The following PRELID2 variants were observed in gnomAD, a reference collection of about 807,000 sequenced individuals.
PRELID2 encodes PRELI domain containing 2.
Under a neutral mutation model 28.4 loss-of-function variants are expected in PRELID2, and 25 were observed. The ratio of observed to expected loss-of-function variants is 0.88; its 90% CI spans 0.64 to 1.23. The LOEUF is 1.23. Ranked by LOEUF, PRELID2 falls within the 50% of genes most tolerant of loss-of-function variation. The pLI is 0.00. For synonymous variants in PRELID2, 76 were observed against 71.6 expected (o/e 1.06, Z -0.31); for missense variants, 201 against 214.4 (o/e 0.94, Z 0.39).
chr5:145,260,285 C>T, the PRELID2 span, among the ~76,000 whole-genome samples: 1 of 152,020 alleles, frequency 6.6e-6, no homozygotes, highest in African/African-American at 2.4e-5. Flanking sequence ...AGGATCAATT[C>T]AGCATATTTA....
chr5:145,343,037 T>C, the PRELID2 span, among the ~76,000 whole-genome samples: 1 of 151,878 alleles, frequency 6.6e-6, no homozygotes, highest in Non-Finnish European at 1.5e-5. Flanking sequence ...TTAATAGATC[T>C]AAAGCACTGA....
chr5:145,714,826 C>T (rs1319356707), intron 1 of PRELID2, among the ~76,000 whole-genome samples: 1 of 152,028 alleles, frequency 6.6e-6, no homozygotes, highest in African/African-American at 2.4e-5. Flanking sequence ...CTGTGCCATC[C>T]CTCTTTCCTG....
At chr5:145,498,523 G>A (rs1468166549) in intron 1 of PRELID2, among the ~76,000 whole-genome samples, 1 of 151,730 alleles carries the variant, frequency 6.6e-6, no homozygotes, top group Non-Finnish European at 1.5e-5. Flanking sequence ...TGTTTGCTTT[G>A]TTTTGTTGTT....
At chr5:145,641,305 G>A (rs1754102686) in intron 1 of PRELID2, among the ~76,000 whole-genome samples, 3 of 151,980 alleles carry the variant, frequency 2.0e-5, no homozygotes, top group Admixed American at 2.0e-4. Context: ...GAAAAAAAAA[G>A]AGAGAAATAG....
chr5:145,372,507 T>C, the PRELID2 span, among the ~76,000 whole-genome samples: 8 of 152,098 alleles, frequency 5.3e-5, no homozygotes, highest in African/African-American at 1.9e-4. Flanking sequence ...CTCTAAGAAC[T>C]TGTTTTATGA....
the PRELID2 span, among the ~76,000 whole-genome samples, chr5:145,402,692 G>C: frequency 6.6e-6 from 1 of 152,140 alleles, no homozygotes. Flanking sequence ...CTACAGATAG[G>C]ATTATATGCA....
chr5:145,333,829 A>G, the PRELID2 span, among the ~76,000 whole-genome samples: 1 of 151,746 alleles, frequency 6.6e-6, no homozygotes, highest in Non-Finnish European at 1.5e-5. Flanking sequence ...CAAAAAAAAA[A>G]AAAAAAACTC....
intron 1 of PRELID2, among the ~76,000 whole-genome samples, chr5:145,560,645 A>T (rs1052919604): frequency 1.3e-5 from 2 of 152,244 alleles, no homozygotes; most frequent in Non-Finnish European, 2.9e-5. Flanking sequence ...CTTAGCAACC[A>T]GTCCCTTTGC....
the PRELID2 span, among the ~76,000 whole-genome samples, chr5:145,362,753 A>G: frequency 1.3e-5 from 2 of 152,134 alleles, no homozygotes; most frequent in Admixed American, 1.3e-4. Flanking sequence ...CCAATGATAT[A>G]TCAGTAACAA....
rs1253668014 is a variant in PRELID2 at position 145,724,596 on chromosome 5, AATAAATAT to A, written n.70+40327_70+40334del. On this transcript the variant is annotated intron_variant and non_coding_transcript_variant, in intron 1 of 2. Coordinates refer to the PRELID2 transcript ENST00000510259. ...GAAAACACTGAAATAACAAGAAGTAAATAAATATATATATATATATATATATATATATA... is the reference window on the plus strand; with the variant it reads ...GAAAACACTGAAATAACAAGAAGTAAATATATATATATATATATATATATA... Among the ~76,000 whole-genome samples, 16 of 28,360 alleles carry A rather than the reference AATAAATAT, an allele frequency of 5.6e-4. No individual in the cohort carries two copies. The South Asian group carries it at 6.9e-3, about 12-fold the overall frequency. 18.6% of individuals were successfully genotyped at this position (28,360 alleles called of 152,430 possible). A position where few individuals can be genotyped will look rare whatever the true frequency, so the allele number is the denominator to read the frequency against.
the PRELID2 span, among the ~76,000 whole-genome samples, chr5:145,291,231 G>A: frequency 3.3e-5 from 5 of 151,004 alleles, no homozygotes; most frequent in East Asian, 3.9e-4. Context: ...CAGCTACTCC[G>A]GAGGCTGAGG....
In PRELID2 at chr5:145,797,221, C is replaced by A. The variant is rs899086110; in HGVS notation, c.369-674G>T. On this transcript the variant is annotated intron_variant, in intron 4 of 6. Coordinates refer to ENST00000683046, the MANE Select transcript of PRELID2 (RefSeq NM_205846.3). ...AATAGGAAGTCCCAAGCCTTCATTACCCTGAGAGACAATGACTTAAGAACA... is the reference window on the plus strand; with the variant it reads ...AATAGGAAGTCCCAAGCCTTCATTAACCTGAGAGACAATGACTTAAGAACA... Among the ~76,000 whole-genome samples, 20 of 152,114 alleles carry A rather than the reference C, an allele frequency of 1.3e-4. No homozygotes were observed. In the East Asian group the frequency reaches 1.3e-3, roughly 10 times the overall value.
chr5:145,592,909 A>AAT (rs1196313860), intron 1 of PRELID2, among the ~76,000 whole-genome samples: 21 of 152,204 alleles, frequency 1.4e-4, no homozygotes, highest in African/African-American at 4.6e-4. Flanking sequence ...TTCCTATTGG[A>AAT]ATATATACCT....
At chr5:145,421,259 G>T in the PRELID2 span, among the ~76,000 whole-genome samples, 16 of 147,270 alleles carry the variant, frequency 1.1e-4, no homozygotes, top group African/African-American at 4.0e-4. Context: ...AAATGAGTTA[G>T]GGAGGATTCC....
At position 145,564,055 on chromosome 5, in the gene PRELID2, AAAAG is replaced by A. The variant is rs377693431; in HGVS notation, n.71-90744_71-90741del. Among the ~76,000 whole-genome samples, 22 of 152,340 alleles carry A rather than the reference AAAAG, an allele frequency of 1.4e-4. 1 individual carries two copies. In the East Asian group the frequency reaches 1.5e-3, roughly 11 times the overall value. ...GTAAAATATAAGCAATTTTTAGTTAAAAAGAAAGCTCAAAAGCATTGATTTTACT... is the reference window on the plus strand; with the variant it reads ...GTAAAATATAAGCAATTTTTAGTTAAAAAGCTCAAAAGCATTGATTTTACT... On this transcript the variant is annotated intron_variant and non_coding_transcript_variant, in intron 1 of 2. Transcript: ENST00000510259.
rs765113305 is a variant in PRELID2, at chr5:145,819,466, ATTACT to A, written c.207+474_207+478del. On this transcript the variant is annotated intron_variant, in intron 3 of 6. Coordinates refer to ENST00000683046, the MANE Select transcript of PRELID2 (RefSeq NM_205846.3). ...TCATGAAGATTTCATCATCAATGAT[ATTACT>A]TTAGAGAAATACACATAAAGACTTA... 12 of 1,191,376 alleles carry A rather than the reference ATTACT, an allele frequency of 1.0e-5. No individual in the cohort carries two copies. In the Middle Eastern group the frequency reaches 5.8e-4, roughly 58 times the overall value. 73.8% of individuals were successfully genotyped at this position (1,191,376 alleles called of 1,614,324 possible). A position where few individuals can be genotyped will look rare whatever the true frequency, so the allele number is the denominator to read the frequency against.
At chr5:145,620,764 A>AG (rs11398807) in intron 1 of PRELID2, among the ~76,000 whole-genome samples, 140,974 of 151,996 alleles carry the variant, frequency 0.93, 65,494 homozygotes, top group African/African-American at 0.98. Flanking sequence ...ACCTGATCCC[A>AG]GAAGTCGAGG....
intron 1 of PRELID2, among the ~76,000 whole-genome samples, chr5:145,828,449 AATG>A (rs1755348805): frequency 6.6e-6 from 1 of 152,214 alleles, no homozygotes; most frequent in South Asian, 2.1e-4. Context: ...ATGATTTTAA[AATG>A]ATTAGAAGAT....
chr5:145,704,125 C>T (rs1430036523), intron 1 of PRELID2: 4 of 152,176 alleles, frequency 2.6e-5, no homozygotes, highest in Non-Finnish European at 5.9e-5. Context: ...TGGCATTACA[C>T]ACAAGATGTG....
Sources: allele counts gnomAD v4.1 joint callset (sites outside exome capture counted in the v4.1 genomes callset), GRCh38; gene constraint gnomAD v4.1.1; transcripts MANE v1.5; gene names NCBI Gene and HGNC (gene_info 2026-07-23, HGNC 2026-07-21).